Variants in CERS1 observed in about 807,000 individuals in gnomAD.
CERS1 encodes the protein ceramide synthase 1.
A neutral mutation model predicts 35.7 loss-of-function variants in CERS1; 16 were observed. That is an observed-to-expected ratio of 0.45 (90% confidence interval 0.30 to 0.68). The LOEUF (loss-of-function observed/expected upper bound fraction) is 0.68, where lower values mean the gene tolerates loss of function less well. Among genes scored for constraint, CERS1 ranks in the 30% least tolerant of loss-of-function variants. The pLI, the probability that CERS1 is intolerant of heterozygous loss-of-function variation, is 0.08. For synonymous variants in CERS1, 243 were observed against 201.6 expected, an observed-to-expected ratio of 1.21 and a Z score of -1.74; for missense variants, 454 against 453.9, an observed-to-expected ratio of 1.00 and a Z score of 0.00.
chr19:18,870,018 A>G lies in CERS1; in HGVS notation c.*559T>C, dbSNP rs1162472780. On this transcript the variant is annotated 3_prime_UTR_variant, in exon 7 of 8. Transcript: ENST00000623882. The surrounding 1 kb of genome is among the most constrained non-coding windows in gnomAD (Gnocchi z 5.1). ...GATGTGGCGCACGATGTTTCCGGCGACCCCCAGCTCCTCCACGTGGCACGG... is the reference window on the plus strand; with the variant it reads ...GATGTGGCGCACGATGTTTCCGGCGGCCCCCAGCTCCTCCACGTGGCACGG... 1 of 1,593,918 alleles carries G rather than the reference A, an allele frequency of 6.3e-7. No homozygotes were observed. The highest frequency in any genetic ancestry group is 1.1e-5 in the South Asian group (1 of 88,152).
In CERS1 at chr19:18,882,723, C is replaced by T. The variant is rs151105396; in HGVS notation, c.590+1364G>A. Reference sequence around the variant, plus strand: ...TTTGTTTATTTTTGAGACGGAGTCTCGCTCTGTCGCCCAGGCTGGAGTGCA... The same window carrying T: ...TTTGTTTATTTTTGAGACGGAGTCTTGCTCTGTCGCCCAGGCTGGAGTGCA... On this transcript the variant is annotated intron_variant, in intron 3 of 7. Transcript: ENST00000623882. 1.3e-4 allele frequency among the ~76,000 whole-genome samples: 20 copies of T among 151,738 alleles called. No homozygotes were observed. In the East Asian group the frequency reaches 3.7e-3, roughly 28 times the overall value.
chr19:18,878,837 TCTG>T lies in CERS1; in HGVS notation c.1010+90_1010+92del. On this transcript the variant is annotated intron_variant, in intron 6 of 7. Transcript: ENST00000623882. This position sits in a 1 kb window ranked among gnomAD's most constrained non-coding sequence, Gnocchi z 4.6. Reference sequence around the variant, plus strand: ...GGGGGCAGCATCCGCGTCGGCCTCATCTGCTGCTGGGTCTTGGGGGCCTGCCCA... The same window carrying T: ...GGGGGCAGCATCCGCGTCGGCCTCATCTGCTGGGTCTTGGGGGCCTGCCCA... The T allele has an allele frequency of 6.5e-7, 1 of 1,540,024 alleles. No homozygotes were observed.
At chr19:18,874,086 G>A (rs993369610) in intron 6 of CERS1, among the ~76,000 whole-genome samples, 1 of 152,168 alleles carries the variant, frequency 6.6e-6, no homozygotes, top group Non-Finnish European at 1.5e-5. Flanking sequence ...TCCTTGAATA[G>A]GCAAGCTGGG....
At position 18,879,004 on chromosome 19, in the gene CERS1, G is replaced by C. The variant is rs760904047; in HGVS notation, c.936C>G (p.Gly312=). ...IVAFAAKVLT[G]QVHELKDLRE... ...GCAGGTCCTTCAGCTCGTGCACCTG[G>C]CCTGTCAACACCTTGGCTGCAAACG... Residue 312 remains glycine, a synonymous_variant, in exon 6 of 8, where the codon GGC becomes GGG. Transcript: ENST00000623882. The C allele has an allele frequency of 6.8e-6, 11 of 1,613,632 alleles. No individual in the cohort carries two copies. Among genetic ancestry groups the C allele is most frequent in the Non-Finnish European group, 9.3e-6 (11 of 1,179,854 alleles).
intron 6 of CERS1, among the ~76,000 whole-genome samples, chr19:18,872,809 T>C (rs887456179): frequency 1.3e-5 from 2 of 150,598 alleles, no homozygotes; most frequent in Non-Finnish European, 1.5e-5. Flanking sequence ...GCGCCGCGCC[T>C]GGCTAATTTT....
In CERS1 at chr19:18,879,013, CA is replaced by C; in HGVS notation, c.926del (p.Val309GlyfsTer2). On this transcript the variant is annotated frameshift_variant, in exon 6 of 8. Coordinates refer to ENST00000623882, the MANE Select transcript of CERS1 (RefSeq NM_021267.5). LOFTEE classifies it high-confidence loss of function. Reference sequence around the variant, plus strand: ...TCAGCTCGTGCACCTGGCCTGTCAACACCTTGGCTGCAAACGCCACGATGTA... The same window carrying C: ...TCAGCTCGTGCACCTGGCCTGTCAACCCTTGGCTGCAAACGCCACGATGTA... ...FLYIVAFAAKVLTGQVHELKD... is the reference protein window; with the variant it reads ...FLYIVAFAAKXLTGQVHELKD... The C allele has an allele frequency of 6.2e-7, 1 of 1,613,762 alleles. No homozygotes were observed. The highest frequency in any genetic ancestry group is 8.5e-7 in the Non-Finnish European group (1 of 1,179,854).
At chr19:18,871,741 T>C (rs2055974583) in intron 6 of CERS1, among the ~76,000 whole-genome samples, 1 of 152,244 alleles carries the variant, frequency 6.6e-6, no homozygotes, top group Non-Finnish European at 1.5e-5. Flanking sequence ...ATCCAAGGAC[T>C]GTTGGTCTTT....
At position 18,884,270 on chromosome 19, in the gene CERS1, G is replaced by T. The variant is rs1362880318; in HGVS notation, c.410-3C>A. On this transcript the variant is annotated splice_polypyrimidine_tract_variant and splice_region_variant and intron_variant, in intron 2 of 7. Coordinates refer to ENST00000623882, the MANE Select transcript of CERS1 (RefSeq NM_021267.5). Reference sequence around the variant, plus strand: ...CACTGCCATGCCCGGCGTCCAGTCTGGGGAGAGCCAAATCTCACAGTCAGG... The same window carrying T: ...CACTGCCATGCCCGGCGTCCAGTCTTGGGAGAGCCAAATCTCACAGTCAGG... 1 of 1,608,828 alleles carries T rather than the reference G, an allele frequency of 6.2e-7. No homozygotes were observed. The highest frequency in any genetic ancestry group is 1.3e-5 in the African/African-American group (1 of 74,814).
At position 18,895,750 on chromosome 19, in the gene CERS1, C is replaced by T. The variant is rs2056609705; in HGVS notation, c.249+74G>A. ...CCAGCGCTGGAAGAAAGGAACGCGCCGGCGGCCCCAGGTCCCCGGTCCCGG... is the reference window on the plus strand; with the variant it reads ...CCAGCGCTGGAAGAAAGGAACGCGCTGGCGGCCCCAGGTCCCCGGTCCCGG... On this transcript the variant is annotated intron_variant, in intron 1 of 7. Coordinates refer to ENST00000623882, the MANE Select transcript of CERS1 (RefSeq NM_021267.5). This position sits in a 1 kb window ranked among gnomAD's most constrained non-coding sequence, Gnocchi z 6.4. 2.4e-6 allele frequency: 2 copies of T among 830,654 alleles called. No individual in the cohort carries two copies. The highest frequency in any genetic ancestry group is 1.9e-5 in the African/African-American group (1 of 53,204). The allele number at this position is 830,654 out of a possible 1,614,324, so 51.5% of individuals were successfully genotyped here.
chr19:18,878,844 C>T lies in CERS1; in HGVS notation c.1010+86G>A. 1.3e-6 allele frequency: 2 copies of T among 1,548,528 alleles called. No homozygotes were observed. The highest frequency in any genetic ancestry group is 1.2e-5 in the South Asian group (1 of 85,154). ...GCATCCGCGTCGGCCTCATCTGCTGCTGGGTCTTGGGGGCCTGCCCACGAA... is the reference window on the plus strand; with the variant it reads ...GCATCCGCGTCGGCCTCATCTGCTGTTGGGTCTTGGGGGCCTGCCCACGAA... On this transcript the variant is annotated intron_variant, in intron 6 of 7. Coordinates refer to ENST00000623882, the MANE Select transcript of CERS1 (RefSeq NM_021267.5). The surrounding 1 kb of genome is among the most constrained non-coding windows in gnomAD (Gnocchi z 4.6).
Position 18,878,938 on chromosome 19 carries a change from G to T in CERS1, c.1002C>A (p.Ser334Arg), listed in dbSNP as rs754900992. Residue 334 changes from serine to arginine, a missense_variant, in exon 6 of 8, where the codon AGC becomes AGA. Transcript: ENST00000623882. This position sits in a 1 kb window ranked among gnomAD's most constrained non-coding sequence, Gnocchi z 4.6. ...GGCCCCTCCACACTCACTCGGCTTT[G>T]CTGGGCTTCAGGCTCTGGGCCTCGG... is the stretch of plus-strand genomic sequence containing the variant. ...DTAEAQSLKP[S>R]KAEKPLRNGL... The T allele has an allele frequency of 6.2e-7, 1 of 1,613,654 alleles. No individual in the cohort carries two copies. Among genetic ancestry groups the T allele is most frequent in the South Asian group, 1.1e-5 (1 of 91,066 alleles).
At chr19:18,893,776 C>T (rs1278637725) in intron 1 of CERS1, among the ~76,000 whole-genome samples, 1 of 151,888 alleles carries the variant, frequency 6.6e-6, no homozygotes, top group Non-Finnish European at 1.5e-5. Context: ...GCTGTCCGGC[C>T]GCCGCGGTGC....
rs906480809 is a variant in CERS1, at chr19:18,870,939, G to C, written c.1011-320C>G. ...CGCTGGAGGGCAAAACCCACGTACC[G>C]GCCTGGGCCTGACAACTCCACCGCC... On this transcript the variant is annotated intron_variant, in intron 6 of 7. Coordinates refer to ENST00000623882, the MANE Select transcript of CERS1 (RefSeq NM_021267.5). The surrounding 1 kb of genome is among the most constrained non-coding windows in gnomAD (Gnocchi z 5.1). 6.6e-6 allele frequency among the ~76,000 whole-genome samples: 1 copy of C among 152,032 alleles called. No individual in the cohort carries two copies. The highest frequency in any genetic ancestry group is 6.6e-5 in the Admixed American group (1 of 15,250).
rs1398457084 is a variant in CERS1 at position 18,878,879 on chromosome 19, A to G, written c.1010+51T>C. 1.3e-6 allele frequency: 2 copies of G among 1,598,180 alleles called. No individual in the cohort carries two copies. The highest frequency in any genetic ancestry group is 4.5e-5 in the East Asian group (2 of 44,274). ...GGGGCCTGCCCACGAACACGCTTGGACGGGTGACACTAAAGGAGGGAACGC... is the reference window on the plus strand; with the variant it reads ...GGGGCCTGCCCACGAACACGCTTGGGCGGGTGACACTAAAGGAGGGAACGC... On this transcript the variant is annotated intron_variant, in intron 6 of 7. Transcript: ENST00000623882. This position sits in a 1 kb window ranked among gnomAD's most constrained non-coding sequence, Gnocchi z 4.6.
chr19:18,894,590 C>G (rs1176092904), intron 1 of CERS1, among the ~76,000 whole-genome samples: 2 of 152,102 alleles, frequency 1.3e-5, no homozygotes, highest in Non-Finnish European at 2.9e-5. Flanking sequence ...TGGGGGACGG[C>G]TTGCCCTCCT....
chr19:18,890,222 CCT>C (rs951459567), intron 2 of CERS1, among the ~76,000 whole-genome samples: 2 of 152,228 alleles, frequency 1.3e-5, no homozygotes, highest in Non-Finnish European at 1.5e-5. Context: ...TGGGGCCACC[CCT>C]GTCCCTGCTA....
intron 3 of CERS1, among the ~76,000 whole-genome samples, chr19:18,881,066 C>T (rs2056193253): frequency 6.6e-6 from 1 of 152,130 alleles, no homozygotes; most frequent in South Asian, 2.1e-4. Context: ...CCGACTCTCA[C>T]AGGCCTGGGG....
At chr19:18,888,176 ATGG>A (rs1021034485) in intron 2 of CERS1, among the ~76,000 whole-genome samples, 3 of 152,144 alleles carry the variant, frequency 2.0e-5, no homozygotes, top group African/African-American at 7.2e-5. Context: ...CCTGGCCAAC[ATGG>A]TGAAACCCCA....
Position 18,870,423 on chromosome 19 carries a change from G to T in CERS1, c.*154C>A. 9.0e-7 allele frequency: 1 copy of T among 1,114,782 alleles called. No individual in the cohort carries two copies. The highest frequency in any genetic ancestry group is 1.3e-6 in the Non-Finnish European group (1 of 782,638). The allele number at this position is 1,114,782 out of a possible 1,614,324, so 69.1% of individuals were successfully genotyped here. A position where few individuals can be genotyped will look rare whatever the true frequency, so the allele number is the denominator to read the frequency against. ...CAGGGGTCCTGGGGGGCGTGGCCGG[G>T]AACTGGAGGCAGGATGAGGGGGCGG... On this transcript the variant is annotated 3_prime_UTR_variant, in exon 7 of 8. Coordinates refer to ENST00000623882, the MANE Select transcript of CERS1 (RefSeq NM_021267.5). This position sits in a 1 kb window ranked among gnomAD's most constrained non-coding sequence, Gnocchi z 5.1.
Sources: allele counts gnomAD v4.1 joint callset (sites outside exome capture counted in the v4.1 genomes callset), GRCh38; gene constraint gnomAD v4.1.1; non-coding constraint Gnocchi (gnomAD v3.1); transcripts MANE v1.5; gene names NCBI Gene and HGNC (gene_info 2026-07-23, HGNC 2026-07-21).